RXFP1: variants seen among roughly 807,000 people sequenced by gnomAD.
RXFP1 encodes the protein relaxin family peptide receptor 1, also known as relaxin receptor 1.
Under a neutral mutation model 89.8 loss-of-function variants are expected in RXFP1, and 73 were observed. The observed-to-expected ratio is 0.81, with a 90% CI of 0.67 to 0.99. RXFP1 has a LOEUF of 0.99. RXFP1 is among the 50% of genes least tolerant of loss of function. RXFP1 has a pLI of 0.00. For missense variants in RXFP1, 793 were observed against 895.5 expected, an observed-to-expected ratio of 0.89 and a Z score of 1.46; for synonymous variants, 277 against 305.5, an observed-to-expected ratio of 0.91 and a Z score of 0.97.
At position 158,599,450 on chromosome 4, in the gene RXFP1, C is replaced by T; in HGVS notation, c.392+19C>T. 6.2e-7 allele frequency: 1 copy of T among 1,601,344 alleles called. No homozygotes were observed. The highest frequency in any genetic ancestry group is 8.5e-7 in the Non-Finnish European group (1 of 1,170,232). On this transcript the variant is annotated intron_variant, in intron 4 of 17. Coordinates refer to ENST00000307765, the MANE Select transcript of RXFP1 (RefSeq NM_021634.4). Reference sequence around the variant, plus strand: ...CTGCAATGTAAGTAGAAAAGAATTACTTCATCCTGACAGCTGGGTAGCACC... The same window carrying T: ...CTGCAATGTAAGTAGAAAAGAATTATTTCATCCTGACAGCTGGGTAGCACC...
intron 1 of RXFP1, among the ~76,000 whole-genome samples, chr4:158,531,910 GT>G (rs1282795241): frequency 1.9e-5 from 2 of 102,582 alleles, no homozygotes; most frequent in Non-Finnish European, 4.1e-5. Flanking sequence ...TTTTCTGTTG[GT>G]TTGGGTATTT....
chr4:158,607,126 T>A, intron 5 of RXFP1: 1 of 1,535,800 alleles, frequency 6.5e-7, no homozygotes, highest in Non-Finnish European at 8.7e-7. Flanking sequence ...ATTCCCGCAA[T>A]CTGGGGCAAG....
At chr4:158,567,700 G>A (rs545490363) in intron 1 of RXFP1, among the ~76,000 whole-genome samples, 4 of 152,068 alleles carry the variant, frequency 2.6e-5, no homozygotes, top group South Asian at 2.1e-4. Flanking sequence ...TAGTGGGGAC[G>A]TGGAGAACTT....
intron 5 of RXFP1, chr4:158,607,041 C>T (rs1447998854): frequency 3.9e-6 from 6 of 1,532,086 alleles, no homozygotes; most frequent in East Asian, 4.9e-5. Context: ...TGCATATAAA[C>T]TTTCAGGACA....
chr4:158,596,386 C>A (rs1760612727), intron 3 of RXFP1, among the ~76,000 whole-genome samples: 1 of 151,498 alleles, frequency 6.6e-6, no homozygotes, highest in South Asian at 2.1e-4. Flanking sequence ...GCCTCAGCCT[C>A]CCGAGTTTGG....
chr4:158,580,126 C>G (rs1457968091), intron 2 of RXFP1, among the ~76,000 whole-genome samples: 2 of 152,140 alleles, frequency 1.3e-5, no homozygotes, highest in Non-Finnish European at 2.9e-5. Context: ...GCAGGGTGAG[C>G]AGCTTAAGAT....
chr4:158,615,015 G>C (rs1480039200), intron 8 of RXFP1, among the ~76,000 whole-genome samples: 1 of 151,968 alleles, frequency 6.6e-6, no homozygotes, highest in Non-Finnish European at 1.5e-5. Flanking sequence ...AGACTTTGTT[G>C]TTCCATTGTA....
intron 2 of RXFP1, among the ~76,000 whole-genome samples, chr4:158,591,134 C>T (rs1759374034): frequency 1.3e-5 from 2 of 152,086 alleles, no homozygotes; most frequent in Admixed American, 6.5e-5. Flanking sequence ...ATCCTGGCTA[C>T]TTAGGGTCTG....
At chr4:158,648,807 A>G in intron 17 of RXFP1, 90 bp downstream of exon 17, 3 of 809,518 alleles carry the variant, frequency 3.7e-6, no homozygotes, top group Non-Finnish European at 3.8e-6. Context: ...TTAACACTAA[A>G]CAATTCAAAG....
intron 1 of RXFP1, among the ~76,000 whole-genome samples, chr4:158,539,556 T>C (rs1449251553): frequency 6.6e-6 from 1 of 152,012 alleles, no homozygotes; most frequent in Non-Finnish European, 1.5e-5. Flanking sequence ...ATGAAGAGTA[T>C]TAACTAGTTC....
chr4:158,555,462 G>C (rs538949049), intron 1 of RXFP1, among the ~76,000 whole-genome samples: 27 of 152,268 alleles, frequency 1.8e-4, no homozygotes, highest in African/African-American at 6.5e-4. Flanking sequence ...ATATTTCCCT[G>C]TACTTGCTCT....
intron 2 of RXFP1, among the ~76,000 whole-genome samples, chr4:158,580,054 G>A (rs1302574664): frequency 6.6e-6 from 1 of 152,194 alleles, no homozygotes; most frequent in African/African-American, 2.4e-5. Flanking sequence ...CAGAAGACGG[G>A]TGAGAGGGGA....
intron 1 of RXFP1, among the ~76,000 whole-genome samples, chr4:158,531,920 TTTG>T (rs201856079): frequency 0.82 from 110,504 of 134,942 alleles, 43,707 homozygotes; most frequent in East Asian, 0.97. Flanking sequence ...GTTTGGGTAT[TTTG>T]TTTGTTTGTT....
At chr4:158,549,956 G>A (rs1219754660) in intron 1 of RXFP1, among the ~76,000 whole-genome samples, 2 of 152,220 alleles carry the variant, frequency 1.3e-5, no homozygotes, top group African/African-American at 4.8e-5. Flanking sequence ...CATGCTGGGA[G>A]AACCACTACT....
intron 8 of RXFP1, among the ~76,000 whole-genome samples, chr4:158,616,809 G>A (rs1025019424): frequency 6.6e-6 from 1 of 151,382 alleles, no homozygotes; most frequent in Non-Finnish European, 1.5e-5. Context: ...GACCAGCCTG[G>A]CTAACATGGT....
At chr4:158,549,301 T>C (rs1055980796) in intron 1 of RXFP1, among the ~76,000 whole-genome samples, 3 of 152,250 alleles carry the variant, frequency 2.0e-5, no homozygotes, top group Non-Finnish European at 4.4e-5. Context: ...TTCAGCTCAA[T>C]CAGCTCCTTT....
chr4:158,542,110 T>TATATATATATATATATATA (rs56793848), intron 1 of RXFP1, among the ~76,000 whole-genome samples: 3 of 13,708 alleles, frequency 2.2e-4, no homozygotes, highest in African/African-American at 4.9e-4. Flanking sequence ...TATATATATA[T>TATATATATATATATATATA]TTTTTTTTTA....
intron 1 of RXFP1, among the ~76,000 whole-genome samples, chr4:158,569,824 G>T (rs1214272322): frequency 6.6e-6 from 1 of 152,112 alleles, no homozygotes; most frequent in Non-Finnish European, 1.5e-5. Context: ...GGGGGGTGGG[G>T]ATAAGATTAA....
At chr4:158,535,820 T>C (rs974184451) in intron 1 of RXFP1, among the ~76,000 whole-genome samples, 11 of 152,244 alleles carry the variant, frequency 7.2e-5, no homozygotes, top group African/African-American at 2.4e-4. Context: ...TATCTCTATT[T>C]CTCATTCTTA....
Sources: allele counts gnomAD v4.1 joint callset (sites outside exome capture counted in the v4.1 genomes callset), GRCh38; gene constraint gnomAD v4.1.1; transcripts MANE v1.5; gene names NCBI Gene and HGNC (gene_info 2026-07-23, HGNC 2026-07-21).